MGST2: variants seen among roughly 807,000 people sequenced by gnomAD.
MGST2 encodes the protein microsomal glutathione S-transferase 2, also known as glutathione peroxidase MGST2.
Under a neutral mutation model 16.6 loss-of-function variants are expected in MGST2, and 9 were observed. The observed-to-expected ratio is 0.54, with a 90% confidence interval of 0.33 to 0.95. The LOEUF (loss-of-function observed/expected upper bound fraction) is 0.95. Ranked by LOEUF, MGST2 falls within the 40% of genes least tolerant of loss-of-function variation. MGST2 has a pLI of 0.03. For synonymous variants in MGST2, 79 were observed against 68.0 expected, an observed-to-expected ratio of 1.16 and a Z score of -0.79; for missense variants, 159 against 175.1, an observed-to-expected ratio of 0.91 and a Z score of 0.52.
chr4:139,687,198 G>C (rs946111580), intron 2 of MGST2, among the ~76,000 whole-genome samples: 2 of 152,220 alleles, frequency 1.3e-5, no homozygotes, highest in African/African-American at 2.4e-5. Flanking sequence ...GGACAGATTT[G>C]GAGCCAGGAA....
chr4:139,666,097 CGTGTGTGTGCGCGTGTGTGCGTGTGT>C lies in MGST2; in HGVS notation c.58+30_58+55del, dbSNP rs754499486. ...AGCAAAGTAAGAGGCATGGGAAGTT[CGTGTGTGTGCGCGTGTGTGCGTGTGT>C]GTGTGTGTGTGACAAGGCTTGCGGG... On this transcript the variant is annotated intron_variant, in intron 1 of 4. Transcript: ENST00000265498. 3.4e-6 allele frequency: 5 copies of C among 1,482,494 alleles called. No homozygotes were observed. Among genetic ancestry groups the C allele is most frequent in the Non-Finnish European group, 4.5e-6 (5 of 1,102,050 alleles). The allele number at this position is 1,482,494 out of a possible 1,614,324, so 91.8% of individuals were successfully genotyped here.
At chr4:139,732,382 C>G (rs1418935730) in intron 5 of MGST2, among the ~76,000 whole-genome samples, 1 of 152,082 alleles carries the variant, frequency 6.6e-6, no homozygotes, top group Non-Finnish European at 1.5e-5. Flanking sequence ...TGACTGACTT[C>G]AACTGCATCT....
chr4:139,677,696 T>G (rs1161637292), intron 1 of MGST2, among the ~76,000 whole-genome samples: 1 of 152,086 alleles, frequency 6.6e-6, no homozygotes, highest in African/African-American at 2.4e-5. Flanking sequence ...AGAGACAGGG[T>G]TTCTCCATGT....
chr4:139,703,958 C>G (rs1727409792), intron 4 of MGST2, 58 bp from the exon 5 acceptor site: 1 of 1,609,366 alleles, frequency 6.2e-7, no homozygotes, highest in African/African-American at 1.3e-5. Context: ...CCTCAGGACT[C>G]TCAGCTTCCT....
intron 3 of MGST2, among the ~76,000 whole-genome samples, chr4:139,697,365 T>C (rs1726986963): frequency 6.6e-6 from 1 of 152,196 alleles, no homozygotes; most frequent in Non-Finnish European, 1.5e-5. Flanking sequence ...TTCAGGCAGA[T>C]ATCCTTTCTC....
chr4:139,678,739 A>C, intron 2 of MGST2, 97 bp downstream of exon 2: 1 of 915,992 alleles, frequency 1.1e-6, no homozygotes, highest in Non-Finnish European at 1.8e-6. Flanking sequence ...CCCTAAGTTC[A>C]TGTGCAATAT....
At chr4:139,740,246 G>A (rs1194739302) in exon 6 of MGST2, 5 of 152,228 alleles carry the variant, frequency 3.3e-5, no homozygotes, top group Admixed American at 6.5e-5. Flanking sequence ...GAACCAGCCA[G>A]ACCTTTGGAG....
chr4:139,714,039 GA>G (rs1727840448), intron 5 of MGST2, among the ~76,000 whole-genome samples: 1 of 152,182 alleles, frequency 6.6e-6, no homozygotes, highest in African/African-American at 2.4e-5. Context: ...GAGACCACGG[GA>G]AGGTACCACC....
downstream of MGST2, among the ~76,000 whole-genome samples, chr4:139,708,730 C>A (rs1006829803): frequency 1.3e-5 from 2 of 151,964 alleles, no homozygotes; most frequent in East Asian, 3.9e-4. Context: ...GGGCCAGGCG[C>A]GGTGGCTCAC....
At chr4:139,738,859 C>T (rs1254153635) in intron 5 of MGST2, among the ~76,000 whole-genome samples, 2 of 152,162 alleles carry the variant, frequency 1.3e-5, no homozygotes, top group East Asian at 1.9e-4. Context: ...GATGCAATAA[C>T]ATATTTTTAT....
intron 1 of MGST2, among the ~76,000 whole-genome samples, chr4:139,667,527 G>A (rs969815976): frequency 6.6e-6 from 1 of 151,902 alleles, no homozygotes; most frequent in Non-Finnish European, 1.5e-5. Context: ...GAGGAGACTG[G>A]GTGAATGATG....
rs1176855522 is a variant in MGST2 at position 139,694,977 on chromosome 4, C to T, written c.159-220C>T. Among the ~76,000 whole-genome samples the T allele has an allele frequency of 5.9e-5, 9 of 152,296 alleles. No individual in the cohort carries two copies. In the East Asian group the frequency reaches 9.6e-4, roughly 16 times the overall value. ...AAGTGCTATAACTCACTTCTACTAC[C>T]GGCAACTTAATACGTAAGAGAATAT... On this transcript the variant is annotated intron_variant, in intron 2 of 4. Coordinates refer to ENST00000265498, the MANE Select transcript of MGST2 (RefSeq NM_002413.5).
intron 5 of MGST2, among the ~76,000 whole-genome samples, chr4:139,736,336 G>T (rs1728945491): frequency 6.6e-6 from 1 of 152,170 alleles, no homozygotes; most frequent in African/African-American, 2.4e-5. Context: ...TGTATCAGAG[G>T]TGAAAGCTAA....
chr4:139,683,900 T>C (rs1265018275), intron 2 of MGST2, among the ~76,000 whole-genome samples: 1 of 150,272 alleles, frequency 6.7e-6, no homozygotes, highest in Non-Finnish European at 1.5e-5. Flanking sequence ...ATGCCTCTTT[T>C]AAAAACCATC....
intron 4 of MGST2, 27 bp from the exon 5 acceptor site, chr4:139,703,981 GTTTGTCAC>G (rs766725033): frequency 1.9e-6 from 3 of 1,613,714 alleles, no homozygotes; most frequent in Non-Finnish European, 1.7e-6. Flanking sequence ...TTACAGTCCA[GTTTGTCAC>G]TTTTCTCCCT....
chr4:139,682,909 G>T (rs577910603), intron 2 of MGST2, among the ~76,000 whole-genome samples: 1 of 152,052 alleles, frequency 6.6e-6, no homozygotes, highest in Non-Finnish European at 1.5e-5. Flanking sequence ...GCGGGAGGGG[G>T]TCCTACTCAC....
rs543398905 is a variant in MGST2 at position 139,669,990 on chromosome 4, G to T, written c.58+3913G>T. 9.9e-5 allele frequency among the ~76,000 whole-genome samples: 15 copies of T among 152,244 alleles called. No individual in the cohort carries two copies. The East Asian group carries it at 2.9e-3, about 29-fold the overall frequency. ...TAGGCTTAATCTGGTGGGAAAGTTCGTCCAGGTGTGTGCATTCCTCGGTCT... is the reference window on the plus strand; with the variant it reads ...TAGGCTTAATCTGGTGGGAAAGTTCTTCCAGGTGTGTGCATTCCTCGGTCT... On this transcript the variant is annotated intron_variant, in intron 1 of 4. Transcript: ENST00000265498.
At chr4:139,720,290 T>G in intron 5 of MGST2, 1 of 1,560,456 alleles carries the variant, frequency 6.4e-7, no homozygotes. Flanking sequence ...GAGGGCTGCT[T>G]GGCTTCTTAC....
chr4:139,704,168 T>TG lies in MGST2; in HGVS notation c.*20_*21insG. 6.2e-7 allele frequency: 1 copy of TG among 1,613,780 alleles called. No individual in the cohort carries two copies. Among genetic ancestry groups the TG allele is most frequent in the Non-Finnish European group, 8.5e-7 (1 of 1,179,604 alleles). On this transcript the variant is annotated 3_prime_UTR_variant, in exon 5 of 5. Transcript: ENST00000265498. Reference sequence around the variant, plus strand: ...TTCTAACTTTTTCTCTTCCCTTTAATACTTGCAGAAGCTGTTCCCACCATG... The same window carrying TG: ...TTCTAACTTTTTCTCTTCCCTTTAATGACTTGCAGAAGCTGTTCCCACCATG...
Sources: allele counts gnomAD v4.1 joint callset (sites outside exome capture counted in the v4.1 genomes callset), GRCh38; gene constraint gnomAD v4.1.1; transcripts MANE v1.5; gene names NCBI Gene and HGNC (gene_info 2026-07-23, HGNC 2026-07-21).